NUMA1: variants seen among roughly 807,000 people sequenced by gnomAD.
The protein encoded by NUMA1 is nuclear mitotic apparatus protein 1.
A neutral mutation model predicts 237.1 loss-of-function variants in NUMA1; 62 were observed. The observed-to-expected ratio is 0.26, with a 90% CI of 0.21 to 0.32. NUMA1 has a LOEUF of 0.32. Among genes scored for constraint, NUMA1 ranks in the 10% least tolerant of loss-of-function variants. The probability of loss-of-function intolerance (pLI) is 1.00; values close to 1 mark genes in which losing one functional copy is unlikely to be tolerated. For synonymous variants in NUMA1, 1,028 were observed against 1,066.1 expected (o/e 0.96, Z 0.70); for missense variants, 2,533 against 2,666.5 (o/e 0.95, Z 1.10).
Position 72,013,635 on chromosome 11 carries a change from G to A in NUMA1, c.3868C>T (p.Leu1290=). The part of the protein sequence containing the change: ...SARAAERSSA[L]REEVQSLREE... ...CGGAGGCTCTGCACCTCCTCCCGCA[G>A]AGCAGAGCTGCGTTCTGCAGCTCTG... Residue 1290 remains leucine (L), a synonymous_variant, in exon 15 of 27, where the codon CTG becomes TTG. Transcript: ENST00000393695. This position sits in a 1 kb window ranked among gnomAD's most constrained non-coding sequence, Gnocchi z 6.8. 1 of 1,610,208 alleles carries A rather than the reference G, an allele frequency of 6.2e-7. No homozygotes were observed. The highest frequency in any genetic ancestry group is 8.5e-7 in the Non-Finnish European group (1 of 1,179,982).
intron 2 of NUMA1, among the ~76,000 whole-genome samples, chr11:72,064,473 A>G (rs979202201): frequency 3.2e-4 from 45 of 138,740 alleles, no homozygotes; most frequent in South Asian, 8.6e-4. Context: ...GTCTCTGGGG[A>G]AAAAAAAAAA....
Position 72,021,276 on chromosome 11 carries a change from T to G in NUMA1, c.388A>C (p.Ile130Leu). ...EYKIQAELAVILKFVLDHEDG... is the reference protein window; with the variant it reads ...EYKIQAELAVLLKFVLDHEDG... Reference sequence around the variant, plus strand: ...TCATGGTCCAGCACAAATTTAAGAATGACAGCCAACTCAGCCTGGGCCACA... The same window carrying G: ...TCATGGTCCAGCACAAATTTAAGAAGGACAGCCAACTCAGCCTGGGCCACA... The change falls in exon 8 of 27, where the codon ATT becomes CTT. Residue 130 changes from isoleucine (I) to leucine (L), a missense_variant. By Grantham distance (5) the Ile-to-Leu change is conservative. Transcript: ENST00000393695. 6.2e-7 allele frequency: 1 copy of G among 1,614,140 alleles called. No individual in the cohort carries two copies.
intron 24 of NUMA1, 103 bp from the exon 25 acceptor site, chr11:72,004,444 G>A: frequency 8.0e-7 from 1 of 1,242,348 alleles, no homozygotes; most frequent in Non-Finnish European, 1.2e-6. Context: ...AAGTCAACGT[G>A]CAACCTGCTC....
At chr11:72,044,646 A>T in intron 2 of NUMA1, among the ~76,000 whole-genome samples, 1 of 146,062 alleles carries the variant, frequency 6.8e-6, no homozygotes, top group East Asian at 2.0e-4. Context: ...TCACTTGGGG[A>T]CTTTCTATGC....
At chr11:72,049,520 G>A (rs1416942296) in intron 2 of NUMA1, 1 of 93,434 alleles carries the variant, frequency 1.1e-5, no homozygotes, top group Non-Finnish European at 2.2e-5. Context: ...ACCAGCGTGG[G>A]CAACATAGTG....
intron 2 of NUMA1, among the ~76,000 whole-genome samples, chr11:72,059,403 G>C (rs1339876192): frequency 6.6e-6 from 1 of 152,072 alleles, no homozygotes; most frequent in Non-Finnish European, 1.5e-5. Context: ...CAGCCTCCTG[G>C]TAGCTGGGAC....
Position 72,014,954 on chromosome 11 carries a change from T to C in NUMA1, c.2549A>G (p.Gln850Arg). The change falls in exon 15 of 27, where the codon CAG (glutamine) becomes CGG (arginine). Residue 850 changes from glutamine to arginine, a missense_variant. By Grantham distance (43) the Gln-to-Arg change is conservative. Transcript: ENST00000393695. This position sits in a 1 kb window ranked among gnomAD's most constrained non-coding sequence, Gnocchi z 4.6. Reference protein sequence around the residue: ...EECEKARQELQEAKEKVAGIE... With the variant: ...EECEKARQELREAKEKVAGIE... ...GCCTGCCACCTTCTCCTTTGCCTCC[T>C]GCAGCTCCTGGCGGGCCTTCTCACA... 2 of 1,614,170 alleles carry C rather than the reference T, an allele frequency of 1.2e-6. No homozygotes were observed. Among genetic ancestry groups the C allele is most frequent in the Non-Finnish European group, 1.7e-6 (2 of 1,180,038 alleles).
intron 1 of NUMA1, among the ~76,000 whole-genome samples, chr11:72,079,608 T>A (rs1565305815): frequency 6.6e-6 from 1 of 151,622 alleles, no homozygotes; most frequent in Admixed American, 6.6e-5. Flanking sequence ...GGCGGCAGCA[T>A]CAACCCAGTG....
chr11:72,034,706 CAA>C (rs1344839392), intron 3 of NUMA1, among the ~76,000 whole-genome samples: 3 of 144,884 alleles, frequency 2.1e-5, no homozygotes, highest in Non-Finnish European at 3.0e-5. Context: ...GACTCCATCT[CAA>C]AAAAAAAAAG....
At chr11:72,050,777 G>C (rs1332460016) in intron 2 of NUMA1, 1 of 152,104 alleles carries the variant, frequency 6.6e-6, no homozygotes, top group Non-Finnish European at 1.5e-5. Context: ...CATCAGTATA[G>C]GTCTTCATGT....
At chr11:72,026,154 T>C (rs1361738253) in intron 4 of NUMA1, among the ~76,000 whole-genome samples, 2 of 152,156 alleles carry the variant, frequency 1.3e-5, no homozygotes, top group African/African-American at 4.8e-5. Flanking sequence ...TGGACAACAG[T>C]AGTCCTAGAG....
chr11:72,011,854 C>T (rs1015513437), intron 16 of NUMA1, among the ~76,000 whole-genome samples: 40 of 152,122 alleles, frequency 2.6e-4, no homozygotes, highest in Admixed American at 9.8e-4. Flanking sequence ...CTTCCTGCTA[C>T]AGACATCTCT....
intron 16 of NUMA1, among the ~76,000 whole-genome samples, chr11:72,011,793 A>C (rs1590887521): frequency 6.7e-6 from 1 of 148,324 alleles, no homozygotes. Context: ...TGTGACCCCC[A>C]CTCCCCCGCC....
chr11:72,024,144 C>A, intron 5 of NUMA1, 130 bp downstream of exon 5: 1 of 713,872 alleles, frequency 1.4e-6, no homozygotes, highest in Non-Finnish European at 2.4e-6. Context: ...CTGTTTTCAT[C>A]TTTGTGTTAA....
intron 2 of NUMA1, among the ~76,000 whole-genome samples, chr11:72,055,947 C>A (rs1182019431): frequency 7.0e-6 from 1 of 143,324 alleles, no homozygotes; most frequent in African/African-American, 2.6e-5. Context: ...AAAACCACAT[C>A]TCTACTAAAA....
At chr11:72,072,969 C>T (rs1353631173) in intron 1 of NUMA1, among the ~76,000 whole-genome samples, 2 of 134,546 alleles carry the variant, frequency 1.5e-5, no homozygotes, top group Admixed American at 8.6e-5. Context: ...ATGGCGTGAA[C>T]CTGGGAGGCG....
rs762991722 is a variant in NUMA1 at position 72,029,186 on chromosome 11, G to A, written c.128+19C>T. Reference sequence around the variant, plus strand: ...CAGCTTTGCCTTAGAGGCTAGAAAGGGGTATGGTGCGTACTCACATTCTGT... The same window carrying A: ...CAGCTTTGCCTTAGAGGCTAGAAAGAGGTATGGTGCGTACTCACATTCTGT... On this transcript the variant is annotated intron_variant, in intron 4 of 26. Transcript: ENST00000393695. The A allele has an allele frequency of 4.4e-6, 7 of 1,587,394 alleles. No individual in the cohort carries two copies. In the East Asian group the frequency reaches 8.9e-5, roughly 20 times the overall value.
chr11:72,004,251 T>G lies in NUMA1; in HGVS notation c.6097A>C (p.Lys2033Gln), dbSNP rs1430277013. The G allele has an allele frequency of 1.2e-6, 2 of 1,611,814 alleles. No homozygotes were observed. Among genetic ancestry groups the G allele is most frequent in the East Asian group, 2.2e-5 (1 of 44,864 alleles). ...TGTTTAGTAGAAGCTGGAGCTGCTT[T>G]CTTCTGGGCCTCAGTAGTGCTCTGT... ...RKQSTTEAQK[K>Q]AAPASTKQAD... is the part of the protein sequence containing the mutation. Residue 2033 changes from lysine (K) to glutamine (Q), a missense_variant, in exon 25 of 27, where the codon AAA becomes CAA. Coordinates refer to ENST00000393695, the MANE Select transcript of NUMA1 (RefSeq NM_006185.4).
Position 72,003,934 on chromosome 11 carries a change from C to T in NUMA1, c.6289G>A (p.Ala2097Thr), listed in dbSNP as rs371005806. 40 of 1,613,162 alleles carry T rather than the reference C, an allele frequency of 2.5e-5. No individual in the cohort carries two copies. In the South Asian group the frequency reaches 2.5e-4, roughly 10 times the overall value. ...SPRIATTTAS[A>T]ATAAAIGATP... Reference sequence around the variant, plus strand: ...GCACCAATGGCGGCAGCAGTGGCGGCGCTGGCTGTGGTGGTGGCAATGCGC... The same window carrying T: ...GCACCAATGGCGGCAGCAGTGGCGGTGCTGGCTGTGGTGGTGGCAATGCGC... The change falls in exon 26 of 27, where the codon GCC becomes ACC. Residue 2097 changes from alanine (A) to threonine (T), a missense_variant. Physicochemically the swap from Ala to Thr is moderately conservative, Grantham distance 58. Around this residue, in one of 3 missense-constraint regions of NUMA1, gnomAD observed 795 missense variants for 750.8 expected, o/e 1.06. Coordinates refer to ENST00000393695, the MANE Select transcript of NUMA1 (RefSeq NM_006185.4).
Sources: allele counts gnomAD v4.1 joint callset (sites outside exome capture counted in the v4.1 genomes callset), GRCh38; gene constraint gnomAD v4.1.1; regional missense constraint gnomAD v4.1.1; non-coding constraint Gnocchi (gnomAD v3.1); transcripts MANE v1.5; gene names NCBI Gene and HGNC (gene_info 2026-07-23, HGNC 2026-07-21).